Variants in MAP7 observed in about 807,000 individuals in gnomAD.
MAP7 encodes the protein microtubule associated protein 7.
A neutral mutation model predicts 94.8 loss-of-function variants in MAP7; 52 were observed. The observed-to-expected ratio is 0.55, with a 90% CI of 0.44 to 0.69. MAP7 has a LOEUF of 0.69. MAP7 is among the 30% of genes least tolerant of loss of function. The pLI is 0.00. For synonymous variants in MAP7, 350 were observed against 357.0 expected, an observed-to-expected ratio of 0.98 and a Z score of 0.22; for missense variants, 940 against 964.6, an observed-to-expected ratio of 0.97 and a Z score of 0.34.
intron 1 of MAP7, among the ~76,000 whole-genome samples, chr6:136,459,889 T>C (rs550459772): frequency 6.6e-6 from 1 of 152,302 alleles, no homozygotes; most frequent in South Asian, 2.1e-4. Flanking sequence ...AGGGCAGATC[T>C]CATGTCAAGT....
chr6:136,536,056 T>C (rs1464117076), intron 1 of MAP7, among the ~76,000 whole-genome samples: 1 of 152,176 alleles, frequency 6.6e-6, no homozygotes. Flanking sequence ...TTCATCCATG[T>C]CCCTACAAAG....
intron 8 of MAP7, among the ~76,000 whole-genome samples, chr6:136,368,387 C>G (rs1194410796): frequency 2.0e-5 from 3 of 152,094 alleles, no homozygotes; most frequent in Admixed American, 2.0e-4. Context: ...ACATACTCAG[C>G]AAGTCAATGG....
intron 2 of MAP7, among the ~76,000 whole-genome samples, chr6:136,417,098 G>A (rs891167700): frequency 2.0e-5 from 3 of 152,166 alleles, no homozygotes; most frequent in South Asian, 2.1e-4. Flanking sequence ...CAGCCTGGGC[G>A]ACGGAGTGAG....
chr6:136,385,338 TAAAG>T (rs1329057391), intron 5 of MAP7, among the ~76,000 whole-genome samples: 1 of 151,950 alleles, frequency 6.6e-6, no homozygotes, highest in Non-Finnish European at 1.5e-5. Context: ...AATCCAAACA[TAAAG>T]AAAGGATTTA....
Position 136,346,082 on chromosome 6 carries a change from A to G in MAP7, c.2016-3T>C, listed in dbSNP as rs760107936. ...GTTGTTTTTCCAAATCGGGAGTGCT[A>G]AGGAATTTGAAAAATAAAAATAGAA... On this transcript the variant is annotated splice_polypyrimidine_tract_variant and splice_region_variant and intron_variant, in intron 16 of 17. Coordinates refer to ENST00000354570, the MANE Select transcript of MAP7 (RefSeq NM_003980.6). The G allele has an allele frequency of 2.5e-6, 4 of 1,570,384 alleles. No homozygotes were observed. The highest frequency in any genetic ancestry group is 3.5e-6 in the Non-Finnish European group (4 of 1,147,276).
intron 1 of MAP7, among the ~76,000 whole-genome samples, chr6:136,457,214 A>G (rs1803581449): frequency 6.6e-6 from 1 of 151,864 alleles, no homozygotes; most frequent in South Asian, 2.1e-4. Context: ...GGAGGAGAAA[A>G]ATTTGTAGAA....
intron 1 of MAP7, chr6:136,476,296 C>T (rs1810894990): frequency 6.6e-6 from 1 of 152,042 alleles, no homozygotes; most frequent in Non-Finnish European, 1.5e-5. Flanking sequence ...CTGTGCTGTC[C>T]AGTAGGGTAG....
intron 16 of MAP7, among the ~76,000 whole-genome samples, chr6:136,346,432 C>T (rs1003254640): frequency 2.6e-5 from 4 of 151,992 alleles, no homozygotes; most frequent in Admixed American, 2.0e-4. Flanking sequence ...TGTGGTGGCA[C>T]GCACCAGTAG....
intron 1 of MAP7, among the ~76,000 whole-genome samples, chr6:136,459,341 C>T (rs1804411582): frequency 1.3e-5 from 2 of 152,046 alleles, no homozygotes; most frequent in South Asian, 4.1e-4. Flanking sequence ...CTATGGGAAA[C>T]AGTATAAAGG....
intron 6 of MAP7, among the ~76,000 whole-genome samples, chr6:136,381,176 A>G (rs554233389): frequency 6.6e-6 from 1 of 152,284 alleles, no homozygotes; most frequent in Non-Finnish European, 1.5e-5. Flanking sequence ...TCTTTTATTT[A>G]TTTTTAATTA....
chr6:136,432,528 T>C (rs1241401426), intron 1 of MAP7, among the ~76,000 whole-genome samples: 3 of 152,204 alleles, frequency 2.0e-5, no homozygotes, highest in African/African-American at 7.2e-5. Flanking sequence ...GCCAGTGGAA[T>C]TCTAAAAAGA....
At chr6:136,368,942 G>A (rs574366694) in intron 8 of MAP7, among the ~76,000 whole-genome samples, 1 of 152,296 alleles carries the variant, frequency 6.6e-6, no homozygotes, top group African/African-American at 2.4e-5. Context: ...AAAGGATCCT[G>A]AAGAACCAAA....
intron 1 of MAP7, among the ~76,000 whole-genome samples, chr6:136,430,148 A>G (rs886437313): frequency 3.9e-5 from 6 of 152,250 alleles, no homozygotes; most frequent in Non-Finnish European, 1.5e-5. Context: ...AATTAAAATC[A>G]ATGTGTAATT....
intron 1 of MAP7, among the ~76,000 whole-genome samples, chr6:136,512,348 A>T (rs1823532998): frequency 6.6e-6 from 1 of 152,248 alleles, no homozygotes; most frequent in East Asian, 1.9e-4. Context: ...AGAACAGCTC[A>T]ACAGAAAAAG....
intron 1 of MAP7, among the ~76,000 whole-genome samples, chr6:136,460,430 T>C (rs542831049): frequency 3.3e-5 from 5 of 152,274 alleles, no homozygotes; most frequent in Non-Finnish European, 7.4e-5. Flanking sequence ...AATAAATACA[T>C]TTACTTATTA....
intron 7 of MAP7, among the ~76,000 whole-genome samples, chr6:136,375,838 T>C (rs1775961229): frequency 6.6e-6 from 1 of 152,162 alleles, no homozygotes; most frequent in Non-Finnish European, 1.5e-5. Flanking sequence ...AAGAGCCGGT[T>C]TGCAGATAAA....
At chr6:136,534,596 A>G (rs1389093149) in intron 1 of MAP7, among the ~76,000 whole-genome samples, 1 of 152,240 alleles carries the variant, frequency 6.6e-6, no homozygotes, top group Non-Finnish European at 1.5e-5. Context: ...TTATGTATCA[A>G]TGATCATAAT....
chr6:136,454,646 T>C (rs1802290423), intron 1 of MAP7, among the ~76,000 whole-genome samples: 1 of 151,566 alleles, frequency 6.6e-6, no homozygotes, highest in Admixed American at 6.6e-5. Flanking sequence ...GGCTCACGCC[T>C]GAAATCCCAG....
In MAP7 at chr6:136,344,229, C is replaced by A; in HGVS notation, c.2249G>T (p.Ter750LeuextTer9). Residue 750 changes from the stop codon to leucine, a stop_lost, in exon 18 of 18, where the codon TGA becomes TTA. Coordinates refer to ENST00000354570, the MANE Select transcript of MAP7 (RefSeq NM_003980.6). ...VQTQQTAEVI* is the reference protein window; with the variant it reads ...VQTQQTAEVIL ...GCTTTGGTTCTTCAGAAGAAACACT[C>A]ATATAACTTCTACATGAAGAGACAG... The A allele has an allele frequency of 7.5e-7, 1 of 1,330,482 alleles. No individual in the cohort carries two copies. The highest frequency in any genetic ancestry group is 2.7e-5 in the East Asian group (1 of 36,964). 82.4% of individuals were successfully genotyped at this position (1,330,482 alleles called of 1,614,324 possible). A position where few individuals can be genotyped will look rare whatever the true frequency, so the allele number is the denominator to read the frequency against.
Sources: gnomAD v4.1 joint callset for allele counts (sites outside exome capture counted in the v4.1 genomes callset) on GRCh38, gnomAD v4.1.1 for gene constraint, MANE v1.5 for transcripts, NCBI Gene and HGNC (gene_info 2026-07-23, HGNC 2026-07-21) for gene names.